ADAM10: variants seen among roughly 807,000 people sequenced by gnomAD.
ADAM10 encodes disintegrin and metalloproteinase domain-containing protein 10.
In ADAM10, 17 loss-of-function variants were observed where a neutral mutation model predicts 90.1. That is an observed-to-expected ratio of 0.19 (90% CI 0.13 to 0.28). The LOEUF (loss-of-function observed/expected upper bound fraction) is 0.28, where lower values mean the gene tolerates loss of function less well. ADAM10 is among the 10% of genes least tolerant of loss of function. The pLI is 1.00. For synonymous variants in ADAM10, 310 were observed against 298.6 expected, an observed-to-expected ratio of 1.04 and a Z score of -0.40; for missense variants, 610 against 914.3, an observed-to-expected ratio of 0.67 and a Z score of 4.29.
intron 11 of ADAM10, among the ~76,000 whole-genome samples, chr15:58,620,164 C>T (rs1895737722): frequency 1.3e-5 from 2 of 151,830 alleles, no homozygotes; most frequent in South Asian, 4.2e-4. Flanking sequence ...ACAGACCAGC[C>T]GTTTAAAACA....
At chr15:58,669,510 T>C (rs1897148177) in intron 4 of ADAM10, among the ~76,000 whole-genome samples, 1 of 152,180 alleles carries the variant, frequency 6.6e-6, no homozygotes, top group African/African-American at 2.4e-5. Context: ...GTACATGCTG[T>C]ATATGCTACT....
intron 2 of ADAM10, among the ~76,000 whole-genome samples, chr15:58,699,303 G>T (rs1205834966): frequency 6.6e-6 from 1 of 152,158 alleles, no homozygotes; most frequent in Non-Finnish European, 1.5e-5. Flanking sequence ...AAGGAATTCT[G>T]CATCTGGAAG....
intron 15 of ADAM10, among the ~76,000 whole-genome samples, chr15:58,598,272 A>T (rs1235716731): frequency 6.6e-6 from 1 of 152,264 alleles, no homozygotes; most frequent in Non-Finnish European, 1.5e-5. Flanking sequence ...AATGAAACCA[A>T]CATACACATA....
At chr15:58,618,838 T>C (rs1358147493) in intron 11 of ADAM10, among the ~76,000 whole-genome samples, 7 of 151,724 alleles carry the variant, frequency 4.6e-5, no homozygotes, top group African/African-American at 1.7e-4. Context: ...ATTATCAAAA[T>C]GATCAAAAAA....
At chr15:58,745,043 CG>C (rs1446598732) in intron 1 of ADAM10, among the ~76,000 whole-genome samples, 15 of 152,116 alleles carry the variant, frequency 9.9e-5, no homozygotes, top group African/African-American at 3.6e-4. Context: ...ATTAGCCAGG[CG>C]TGGTGGTGCG....
chr15:58,715,055 A>C (rs1352869174), intron 2 of ADAM10, among the ~76,000 whole-genome samples: 2 of 152,180 alleles, frequency 1.3e-5, no homozygotes, highest in African/African-American at 2.4e-5. Context: ...ATAAACTAAA[A>C]TATCTGAAAT....
At chr15:58,696,018 C>T (rs779808387) in intron 2 of ADAM10, among the ~76,000 whole-genome samples, 13 of 151,950 alleles carry the variant, frequency 8.6e-5, no homozygotes, top group African/African-American at 2.4e-4. Context: ...TGGGAAGCTG[C>T]GGCAGGAGAA....
At chr15:58,696,301 A>AC (rs201529782) in intron 2 of ADAM10, among the ~76,000 whole-genome samples, 1,602 of 150,370 alleles carry the variant, frequency 0.011, 40 homozygotes, top group African/African-American at 0.036. Context: ...AACAACAACA[A>AC]AAAAAAACAT....
In ADAM10 at chr15:58,610,360, T is replaced by G. The variant is rs1161778724; in HGVS notation, c.1962A>C (p.Leu654=). ...RCRLVDADGP[L]ARLKKAIFSP... ...TAAAAATTGCTTTTTTAAGCCTAGC[T>G]AGAGGACCATCAGCATCTACTAATC... is the stretch of plus-strand genomic sequence containing the variant. The change falls in exon 14 of 16, where the codon CTA becomes CTC. Residue 654 remains leucine, a synonymous_variant. Transcript: ENST00000260408. The G allele has an allele frequency of 6.2e-7, 1 of 1,614,184 alleles. No homozygotes were observed. Among genetic ancestry groups the G allele is most frequent in the Non-Finnish European group, 8.5e-7 (1 of 1,180,034 alleles).
rs12323958 is a variant in ADAM10, at chr15:58,619,174, G to C, written c.1511+2297C>G. Among the ~76,000 whole-genome samples the C allele has an allele frequency of 7.8e-3, 1,193 of 152,286 alleles. 10 individuals are homozygous for C. The highest frequency in any genetic ancestry group is 0.013 in the Non-Finnish European group (875 of 68,018). The stretch of plus-strand genomic sequence containing the variant: ...ACAAAGAAGAGCAAAATACTGTCAT[G>C]TGCAATAACATGAACGGAAATAGAA... On this transcript the variant is annotated intron_variant, in intron 11 of 15. Coordinates refer to ENST00000260408, the MANE Select transcript of ADAM10 (RefSeq NM_001110.4).
intron 3 of ADAM10, among the ~76,000 whole-genome samples, chr15:58,680,554 GA>G (rs1218895353): frequency 2.0e-5 from 3 of 152,138 alleles, no homozygotes; most frequent in African/African-American, 7.2e-5. Context: ...CTTCTCCAGT[GA>G]AAGGAAATAA....
At chr15:58,712,039 G>C (rs1007204687) in intron 2 of ADAM10, among the ~76,000 whole-genome samples, 23 of 151,908 alleles carry the variant, frequency 1.5e-4, no homozygotes, top group African/African-American at 4.8e-4. Flanking sequence ...AGCTATAAAA[G>C]CGATCAATCT....
intron 5 of ADAM10, among the ~76,000 whole-genome samples, chr15:58,655,686 AT>A (rs1372738521): frequency 2.2e-5 from 2 of 90,034 alleles, no homozygotes; most frequent in Admixed American, 1.3e-4. Context: ...ACATATATAT[AT>A]TATATATAGT....
chr15:58,618,618 G>A (rs1359005477), intron 11 of ADAM10, among the ~76,000 whole-genome samples: 1 of 152,140 alleles, frequency 6.6e-6, no homozygotes, highest in Non-Finnish European at 1.5e-5. Flanking sequence ...TTATTCATCT[G>A]ACTAGGGACT....
At chr15:58,604,630 T>C (rs1895216676) in intron 14 of ADAM10, among the ~76,000 whole-genome samples, 1 of 152,246 alleles carries the variant, frequency 6.6e-6, no homozygotes, top group African/African-American at 2.4e-5. Context: ...ACAGCTCATT[T>C]ATTACTTCCA....
chr15:58,688,907 T>TA (rs1313096216), intron 2 of ADAM10, among the ~76,000 whole-genome samples: 99 of 131,372 alleles, frequency 7.5e-4, no homozygotes, highest in Middle Eastern at 3.9e-3. Context: ...ATAAAGAGTT[T>TA]AAAAAAAAAA....
chr15:58,611,559 G>C, intron 12 of ADAM10: 2 of 452,912 alleles, frequency 4.4e-6, no homozygotes, highest in Non-Finnish European at 7.8e-6. Context: ...AAATATTATA[G>C]ACAAATCACA....
At chr15:58,676,051 T>C (rs1338701278) in intron 4 of ADAM10, 3 of 221,010 alleles carry the variant, frequency 1.4e-5, no homozygotes, top group East Asian at 1.2e-4. Context: ...CTTTGCCATT[T>C]AGTTATAAAA....
intron 14 of ADAM10, among the ~76,000 whole-genome samples, chr15:58,607,929 A>G (rs183615297): frequency 2.0e-5 from 3 of 152,328 alleles, no homozygotes. Context: ...ATTAAAGAAA[A>G]GGAGATGCTG....
Sources: gnomAD v4.1 joint callset for allele counts (sites outside exome capture counted in the v4.1 genomes callset) on GRCh38, gnomAD v4.1.1 for gene constraint, MANE v1.5 for transcripts, NCBI Gene and HGNC (gene_info 2026-07-23, HGNC 2026-07-21) for gene names.